The following TTC21B variants were observed in gnomAD, a reference collection of about 807,000 sequenced individuals.
TTC21B encodes the protein tetratricopeptide repeat domain 21B, also known as tetratricopeptide repeat protein 21B.
TTC21B carries 127 observed loss-of-function variants against 175.1 expected under a neutral mutation model. That is an observed-to-expected ratio of 0.73 (90% confidence interval 0.63 to 0.84). The LOEUF is 0.84. Among genes scored for constraint, TTC21B ranks in the 40% least tolerant of loss-of-function variants. The pLI is 0.00. For missense variants in TTC21B, 1,561 were observed against 1,558.3 expected (o/e 1.00, Z -0.03); for synonymous variants, 524 against 524.5 (o/e 1.00, Z 0.01).
At chr2:165,907,864 G>T in intron 18 of TTC21B, 80 bp from the exon 19 acceptor site, 1 of 1,000,904 alleles carries the variant, frequency 1.0e-6, no homozygotes. Flanking sequence ...TTTAAAACTG[G>T]TCTCTAGAAA....
At chr2:165,947,284 G>GT (rs1687612934) in intron 3 of TTC21B, 1 of 109,798 alleles carries the variant, frequency 9.1e-6, no homozygotes, top group Admixed American at 7.9e-5. Flanking sequence ...AAGAAGAAAT[G>GT]TAAGTTGCGG....
intron 17 of TTC21B, 91 bp from the exon 18 acceptor site, chr2:165,911,556 G>A: frequency 1.4e-6 from 2 of 1,474,300 alleles, no homozygotes; most frequent in Middle Eastern, 2.0e-4. Flanking sequence ...TAAAGCATTG[G>A]TATAACTAGA....
rs147149759 is a variant in TTC21B, at chr2:165,929,730, A to G, written c.1105T>C (p.Leu369=). 3 of 1,611,626 alleles carry G rather than the reference A, an allele frequency of 1.9e-6. No homozygotes were observed. Among genetic ancestry groups the G allele is most frequent in the Non-Finnish European group, 1.7e-6 (2 of 1,178,554 alleles). The change falls in exon 10 of 29, where the codon TTG becomes CTG. Residue 369 remains leucine, a synonymous_variant. Coordinates refer to ENST00000243344, the MANE Select transcript of TTC21B (RefSeq NM_024753.5). ...SALVGFIQCQ[L]IEGQLQDADQ... ...GCATCCTGTAATTGCCCTTCTATCAACTGACATTGGATAAATCCTAAAATC... is the reference window on the plus strand; with the variant it reads ...GCATCCTGTAATTGCCCTTCTATCAGCTGACATTGGATAAATCCTAAAATC...
intron 25 of TTC21B, among the ~76,000 whole-genome samples, chr2:165,886,887 T>A (rs1434789759): frequency 6.6e-6 from 1 of 152,228 alleles, no homozygotes; most frequent in Non-Finnish European, 1.5e-5. Flanking sequence ...CTACTTCTGC[T>A]CTGCCTTCAT....
At chr2:165,889,569 A>C (rs1685120753) in intron 24 of TTC21B, among the ~76,000 whole-genome samples, 1 of 152,056 alleles carries the variant, frequency 6.6e-6, no homozygotes. Flanking sequence ...ATAGTTCCAT[A>C]ACAGTAATGT....
At chr2:165,948,355 C>CATG (rs1687652185) in intron 3 of TTC21B, 1 of 152,162 alleles carries the variant, frequency 6.6e-6, no homozygotes. Context: ...AACTTGATGA[C>CATG]ATGAACCACT....
rs1013670574 is a variant in TTC21B, at chr2:165,874,559, G to A, written c.*196C>T. On this transcript the variant is annotated 3_prime_UTR_variant, in exon 29 of 29. Transcript: ENST00000243344. ...AATCAAAACAGAGTCAAATAGACCA[G>A]CTCTCATTCAACTCCATTAGGAAAC... The A allele has an allele frequency of 5.3e-6, 3 of 568,340 alleles. No homozygotes were observed. Among genetic ancestry groups the A allele is most frequent in the Non-Finnish European group, 9.6e-6 (3 of 312,414 alleles). The allele number at this position is 568,340 out of a possible 1,614,324, so 35.2% of individuals were successfully genotyped here.
rs1219697277 is a variant in TTC21B, at chr2:165,931,172, CAATT to C, written c.894+582_894+585del. On this transcript the variant is annotated intron_variant, in intron 8 of 28. Coordinates refer to ENST00000243344, the MANE Select transcript of TTC21B (RefSeq NM_024753.5). The stretch of plus-strand genomic sequence containing the variant: ...AATTCAGTATATTCATGTCATTTAA[CAATT>C]AATAATCCTTTTTTCTTTCAACTTT... Among the ~76,000 whole-genome samples, 11 of 151,998 alleles carry C rather than the reference CAATT, an allele frequency of 7.2e-5. 1 individual carries two copies. The highest frequency in any genetic ancestry group is 5.3e-4 in the Admixed American group (8 of 15,238).
In TTC21B at chr2:165,874,700, G is replaced by C; in HGVS notation, c.*55C>G. The C allele has an allele frequency of 4.0e-6, 6 of 1,517,990 alleles. No individual in the cohort carries two copies. The highest frequency in any genetic ancestry group is 5.5e-6 in the Non-Finnish European group (6 of 1,093,166). 94.0% of individuals were successfully genotyped at this position (1,517,990 alleles called of 1,614,324 possible). A position where few individuals can be genotyped will look rare whatever the true frequency, so the allele number is the denominator to read the frequency against. ...AAACCTGTTTTGAACAGGAAGAACT[G>C]AAAGTTAGATTTCTTTCATTTCCTG... On this transcript the variant is annotated 3_prime_UTR_variant, in exon 29 of 29. Transcript: ENST00000243344.
At position 165,953,619 on chromosome 2, in the gene TTC21B, G is replaced by C; in HGVS notation, c.21+66C>G. Reference sequence around the variant, plus strand: ...ACCCGAGCTCCCTCCGCGCCCCCGGGCCAAAAGGCCGCAAAGGAACTCCGC... The same window carrying C: ...ACCCGAGCTCCCTCCGCGCCCCCGGCCCAAAAGGCCGCAAAGGAACTCCGC... On this transcript the variant is annotated intron_variant, in intron 1 of 28. Coordinates refer to ENST00000243344, the MANE Select transcript of TTC21B (RefSeq NM_024753.5). 2.6e-6 allele frequency: 4 copies of C among 1,538,052 alleles called. No individual in the cohort carries two copies. The South Asian group carries it at 4.8e-5, about 18-fold the overall frequency.
At chr2:165,886,444 C>T (rs13412399) in intron 25 of TTC21B, among the ~76,000 whole-genome samples, 6,569 of 152,122 alleles carry the variant, frequency 0.043, 464 homozygotes, top group African/African-American at 0.15. Flanking sequence ...GCTTAGCACT[C>T]GCTGGCTGCT....
At position 165,907,803 on chromosome 2, in the gene TTC21B, TA is replaced by T; in HGVS notation, c.2462-20del. The stretch of plus-strand genomic sequence containing the variant: ...TCATTTACTATGAAAGAATGGAATG[TA>T]ATGCAAAAAATTATTCATCTTAAAT... On this transcript the variant is annotated intron_variant, in intron 18 of 28. Coordinates refer to ENST00000243344, the MANE Select transcript of TTC21B (RefSeq NM_024753.5). The T allele has an allele frequency of 6.6e-7, 1 of 1,504,286 alleles. No homozygotes were observed. The highest frequency in any genetic ancestry group is 9.2e-7 in the Non-Finnish European group (1 of 1,082,058). 93.2% of individuals were successfully genotyped at this position (1,504,286 alleles called of 1,614,324 possible).
In TTC21B at chr2:165,921,220, G is replaced by A. The variant is rs1686393937; in HGVS notation, c.1517-1787C>T. Among the ~76,000 whole-genome samples the A allele has an allele frequency of 2.6e-5, 4 of 152,202 alleles. No individual in the cohort carries two copies. The South Asian group carries it at 8.3e-4, about 32-fold the overall frequency. ...AGAGCCACATTATCAGTTGGTGGGG[G>A]ACTGGAGATTGAATTCAATCATATG... is the stretch of plus-strand genomic sequence containing the variant. On this transcript the variant is annotated intron_variant, in intron 12 of 28. Transcript: ENST00000243344.
Position 165,924,602 on chromosome 2 carries a change from A to G in TTC21B, c.1463T>C (p.Val488Ala), listed in dbSNP as rs554881061. 1 of 1,613,774 alleles carries G rather than the reference A, an allele frequency of 6.2e-7. No individual in the cohort carries two copies. Among genetic ancestry groups the G allele is most frequent in the East Asian group, 2.2e-5 (1 of 44,808 alleles). Residue 488 changes from valine to alanine, a missense_variant, in exon 12 of 29, where the codon GTT becomes GCT. Val to Ala is a moderately conservative substitution (Grantham distance 64). Transcript: ENST00000243344. ...ISVLETVVRT[V>A]PGLLQTVFLI... ...GAAGACTGTTTGCAGAAGACCTGGA[A>G]CAGTTCTTACTACAGTCTCCAGGAC...
intron 22 of TTC21B, 149 bp from the exon 23 acceptor site, chr2:165,891,137 G>C: frequency 2.9e-6 from 2 of 700,878 alleles, no homozygotes; most frequent in East Asian, 5.5e-5. Context: ...ATTCCCTATA[G>C]AGGCTGTATG....
rs1309303582 is a variant in TTC21B at position 165,898,771 on chromosome 2, T to C, written c.2869-4A>G. On this transcript the variant is annotated splice_region_variant and splice_polypyrimidine_tract_variant and intron_variant, in intron 21 of 28. Coordinates refer to ENST00000243344, the MANE Select transcript of TTC21B (RefSeq NM_024753.5). Reference sequence around the variant, plus strand: ...TGAACATGAGATCAGCCATCATCTATAAAGATAAAAGTTGGTTCTAAAAAT... The same window carrying C: ...TGAACATGAGATCAGCCATCATCTACAAAGATAAAAGTTGGTTCTAAAAAT... 2 of 1,604,704 alleles carry C rather than the reference T, an allele frequency of 1.2e-6. No homozygotes were observed. Among genetic ancestry groups the C allele is most frequent in the Non-Finnish European group, 1.7e-6 (2 of 1,171,594 alleles).
intron 12 of TTC21B, among the ~76,000 whole-genome samples, chr2:165,921,687 A>C (rs1353715975): frequency 1.3e-5 from 2 of 152,104 alleles, no homozygotes; most frequent in Non-Finnish European, 2.9e-5. Flanking sequence ...GCCCAACTCC[A>C]ACTAGTTGGT....
intron 6 of TTC21B, among the ~76,000 whole-genome samples, chr2:165,935,831 C>A (rs566406627): frequency 6.6e-6 from 1 of 151,994 alleles, no homozygotes; most frequent in Admixed American, 6.6e-5. Context: ...ACCAAATAAA[C>A]GGAGAGATAT....
rs1202821608 is a variant in TTC21B, at chr2:165,907,486, C to T, written c.2568+192G>A. Among the ~76,000 whole-genome samples, 96 of 152,162 alleles carry T rather than the reference C, an allele frequency of 6.3e-4. 1 individual carries two copies. Among genetic ancestry groups the T allele is most frequent in the Non-Finnish European group, 4.4e-5 (3 of 68,028 alleles). On this transcript the variant is annotated intron_variant, in intron 19 of 28. Transcript: ENST00000243344. ...AATGGGATTAAAAAATTCCAACCTT[C>T]CCAAATTGTTATAATAGTAGTAATA... is the stretch of plus-strand genomic sequence containing the variant.
Sources: gnomAD v4.1 joint callset for allele counts (sites outside exome capture counted in the v4.1 genomes callset) on GRCh38, gnomAD v4.1.1 for gene constraint, MANE v1.5 for transcripts, NCBI Gene and HGNC (gene_info 2026-07-23, HGNC 2026-07-21) for gene names.